DPP6: variants seen among roughly 807,000 people sequenced by gnomAD.
DPP6 encodes the protein A-type potassium channel modulatory protein DPP6.
Under a neutral mutation model 122.6 loss-of-function variants are expected in DPP6, and 69 were observed. That is an observed-to-expected ratio of 0.56 (90% CI 0.46 to 0.69). The LOEUF (loss-of-function observed/expected upper bound fraction) is 0.69. Among genes scored for constraint, DPP6 ranks in the 30% least tolerant of loss-of-function variants. The probability of loss-of-function intolerance (pLI) is 0.00; values close to 1 mark genes in which losing one functional copy is unlikely to be tolerated. For synonymous variants in DPP6, 418 were observed against 433.1 expected (o/e 0.97, Z 0.43); for missense variants, 928 against 1,116.9 (o/e 0.83, Z 2.41).
At chr7:154,291,301 G>A (rs1376372601) in intron 1 of DPP6, among the ~76,000 whole-genome samples, 1 of 152,022 alleles carries the variant, frequency 6.6e-6, no homozygotes, top group Non-Finnish European at 1.5e-5. Context: ...GCTCAGATTG[G>A]TTTCATTGCA....
At chr7:154,634,469 A>G (rs765877437) in intron 5 of DPP6, among the ~76,000 whole-genome samples, 2 of 152,024 alleles carry the variant, frequency 1.3e-5, no homozygotes, top group Non-Finnish European at 2.9e-5. Context: ...TGCTACAAAG[A>G]CACATGCACA....
chr7:154,459,835 A>G (rs1484329832), intron 2 of DPP6, among the ~76,000 whole-genome samples: 1 of 150,678 alleles, frequency 6.6e-6, no homozygotes, highest in African/African-American at 2.4e-5. Flanking sequence ...GAAAAGAAAA[A>G]GAAAAGAAAA....
intron 8 of DPP6, among the ~76,000 whole-genome samples, chr7:154,736,080 T>A (rs1842558233): frequency 6.6e-6 from 1 of 152,256 alleles, no homozygotes; most frequent in Non-Finnish European, 1.5e-5. Flanking sequence ...TCTCTCTGTT[T>A]CTGCGATCAT....
At chr7:154,410,527 G>A (rs1267508245) in intron 1 of DPP6, among the ~76,000 whole-genome samples, 2 of 152,220 alleles carry the variant, frequency 1.3e-5, no homozygotes, top group African/African-American at 4.8e-5. Context: ...ACACCTCCTT[G>A]GATAACCAAT....
intron 1 of DPP6, among the ~76,000 whole-genome samples, chr7:154,289,013 C>T (rs1805030042): frequency 5.9e-5 from 9 of 152,146 alleles, no homozygotes; most frequent in Admixed American, 5.9e-4. Context: ...ACAATGTGCC[C>T]AGAGTGCAGC....
At chr7:153,773,308 T>C in the DPP6 span, among the ~76,000 whole-genome samples, 1 of 123,798 alleles carries the variant, frequency 8.1e-6, no homozygotes, top group East Asian at 2.4e-4. Flanking sequence ...TGTGTATGTG[T>C]ATTTTATATA....
intron 3 of DPP6, among the ~76,000 whole-genome samples, chr7:154,518,169 T>C (rs1826684669): frequency 6.6e-6 from 1 of 152,228 alleles, no homozygotes; most frequent in African/African-American, 2.4e-5. Flanking sequence ...CCCGTAAAGA[T>C]TAGCTGAGTC....
At chr7:154,623,352 G>A (rs995338973) in intron 5 of DPP6, among the ~76,000 whole-genome samples, 2 of 152,212 alleles carry the variant, frequency 1.3e-5, no homozygotes, top group African/African-American at 2.4e-5. Flanking sequence ...TATTCCCTGG[G>A]CAGTCAGTGG....
chr7:153,838,313 CAA>C, the DPP6 span, among the ~76,000 whole-genome samples: 2 of 152,030 alleles, frequency 1.3e-5, no homozygotes, highest in African/African-American at 4.8e-5. Context: ...GGAATTCTGC[CAA>C]AGAGAGACAA....
intron 3 of DPP6, among the ~76,000 whole-genome samples, chr7:154,494,073 G>T (rs1824515546): frequency 6.6e-6 from 1 of 152,136 alleles, no homozygotes; most frequent in Non-Finnish European, 1.5e-5. Flanking sequence ...AAGATATATT[G>T]CCGGATATTG....
intron 1 of DPP6, among the ~76,000 whole-genome samples, chr7:154,066,345 T>C (rs1207047213): frequency 2.0e-5 from 3 of 152,078 alleles, no homozygotes; most frequent in Non-Finnish European, 4.4e-5. Flanking sequence ...TAGGTGTGAG[T>C]CACTGTGCCC....
chr7:154,283,364 C>A (rs1280277863), intron 1 of DPP6, among the ~76,000 whole-genome samples: 1 of 152,206 alleles, frequency 6.6e-6, no homozygotes, highest in African/African-American at 2.4e-5. Context: ...TGATCTACTT[C>A]ATAGGGCTAT....
At chr7:154,150,750 C>G (rs1270550327) in intron 1 of DPP6, among the ~76,000 whole-genome samples, 3 of 152,232 alleles carry the variant, frequency 2.0e-5, no homozygotes, top group Admixed American at 2.0e-4. Context: ...CTCCATGTCA[C>G]CCCCTTTAAT....
At chr7:154,423,013 GCTTGT>G (rs1400067998) in intron 1 of DPP6, among the ~76,000 whole-genome samples, 3 of 152,124 alleles carry the variant, frequency 2.0e-5, no homozygotes, top group Non-Finnish European at 4.4e-5. Flanking sequence ...ATGGTTCTCG[GCTTGT>G]TGAAAGTTCA....
Position 153,977,205 on chromosome 7 carries a change from G to GTT in DPP6, c.51+89472_51+89473insTT, listed in dbSNP as rs1156847582. Among the ~76,000 whole-genome samples the GTT allele has an allele frequency of 1.3e-3, 199 of 151,838 alleles. 1 individual carries two copies. The highest frequency in any genetic ancestry group is 4.7e-3 in the African/African-American group (196 of 41,394). On this transcript the variant is annotated intron_variant, in intron 1 of 25. Transcript: ENST00000404039. ...TAAGTAGGTACCAATAGGGGTGTGTGTGTGTGTGTGTGTGTGTTGACCTTT... is the reference window on the plus strand; with the variant it reads ...TAAGTAGGTACCAATAGGGGTGTGTGTTTGTGTGTGTGTGTGTGTTGACCTTT...
intron 3 of DPP6, among the ~76,000 whole-genome samples, chr7:154,496,784 T>C (rs1824778484): frequency 6.6e-6 from 1 of 152,234 alleles, no homozygotes; most frequent in African/African-American, 2.4e-5. Flanking sequence ...CCTTCCTTAG[T>C]GTCACTTCAT....
At chr7:153,932,512 A>G (rs564769968) in intron 1 of DPP6, among the ~76,000 whole-genome samples, 1 of 152,186 alleles carries the variant, frequency 6.6e-6, no homozygotes, top group East Asian at 1.9e-4. Flanking sequence ...TCTTTTTTGA[A>G]CAAATGCTAA....
chr7:154,732,481 C>T (rs1284011012), intron 8 of DPP6, among the ~76,000 whole-genome samples: 1 of 152,128 alleles, frequency 6.6e-6, no homozygotes, highest in Non-Finnish European at 1.5e-5. Flanking sequence ...TGACTCACAG[C>T]CCTGTGGAAA....
chr7:154,349,350 A>T (rs1586018440), intron 1 of DPP6, among the ~76,000 whole-genome samples: 1 of 152,118 alleles, frequency 6.6e-6, no homozygotes, highest in East Asian at 1.9e-4. Context: ...TAATTTTTGT[A>T]TCTTTAGTAG....
Sources: gnomAD v4.1 joint callset for allele counts (sites outside exome capture counted in the v4.1 genomes callset) on GRCh38, gnomAD v4.1.1 for gene constraint, MANE v1.5 for transcripts, NCBI Gene and HGNC (gene_info 2026-07-23, HGNC 2026-07-21) for gene names.